Variants in RC3H1 observed in about 807,000 individuals in gnomAD.
RC3H1 encodes the protein ring finger and CCCH-type domains 1.
RC3H1 carries 50 observed loss-of-function variants against 138.2 expected under a neutral mutation model. The ratio of observed to expected loss-of-function variants is 0.36; its 90% CI spans 0.29 to 0.46. The LOEUF (loss-of-function observed/expected upper bound fraction) is 0.46. Among genes scored for constraint, RC3H1 ranks in the 20% least tolerant of loss-of-function variants. The probability of loss-of-function intolerance (pLI) is 1.00; values close to 1 mark genes in which losing one functional copy is unlikely to be tolerated. For missense variants in RC3H1, 1,031 were observed against 1,388.1 expected, an observed-to-expected ratio of 0.74 and a Z score of 4.09; for synonymous variants, 462 against 489.1, an observed-to-expected ratio of 0.94 and a Z score of 0.73.
At chr1:173,953,812 G>A (rs1420663964) in intron 13 of RC3H1, among the ~76,000 whole-genome samples, 1 of 152,022 alleles carries the variant, frequency 6.6e-6, no homozygotes, top group Non-Finnish European at 1.5e-5. Flanking sequence ...GTCGAGGCGG[G>A]CAGACCACCT....
At chr1:174,011,400 T>C (rs1174167825) in intron 1 of RC3H1, among the ~76,000 whole-genome samples, 3 of 151,952 alleles carry the variant, frequency 2.0e-5, no homozygotes, top group Non-Finnish European at 2.9e-5. Flanking sequence ...CTGCTATCAA[T>C]GGGGTAATTA....
intron 2 of RC3H1, among the ~76,000 whole-genome samples, chr1:173,986,487 C>G (rs1661037457): frequency 6.6e-6 from 1 of 152,122 alleles, no homozygotes; most frequent in African/African-American, 2.4e-5. Context: ...ACTACATTGC[C>G]CAGACTGGCC....
chr1:174,017,783 C>CCAAAAAAAAAAAAAAA (rs1165317766), intron 1 of RC3H1, among the ~76,000 whole-genome samples: 5 of 72,034 alleles, frequency 6.9e-5, no homozygotes, highest in African/African-American at 2.9e-4. Context: ...TTTTCTTGCT[C>CCAAAAAAAAAAAAAAA]AAAAAAAAAA....
At chr1:173,942,480 T>G (rs1658927827) in intron 18 of RC3H1, among the ~76,000 whole-genome samples, 1 of 145,768 alleles carries the variant, frequency 6.9e-6, no homozygotes, top group African/African-American at 2.7e-5. Flanking sequence ...AATAAATATC[T>G]TTAACATACT....
chr1:174,019,317 G>T (rs1395372199), intron 1 of RC3H1, among the ~76,000 whole-genome samples: 1 of 152,146 alleles, frequency 6.6e-6, no homozygotes, highest in Non-Finnish European at 1.5e-5. Context: ...GGCAAAAAAA[G>T]GAATCTGTCA....
At chr1:173,963,625 CT>C (rs1166654452) in intron 11 of RC3H1, among the ~76,000 whole-genome samples, 6 of 152,114 alleles carry the variant, frequency 3.9e-5, no homozygotes, top group African/African-American at 1.2e-4. Context: ...AATATTAATT[CT>C]TTTTTCATGC....
intron 1 of RC3H1, among the ~76,000 whole-genome samples, chr1:173,999,290 G>A (rs530852434): frequency 6.6e-6 from 1 of 151,060 alleles, no homozygotes; most frequent in South Asian, 2.1e-4. Flanking sequence ...CAAGGCAGGA[G>A]AATCACTTGA....
intron 2 of RC3H1, among the ~76,000 whole-genome samples, chr1:173,990,503 A>C (rs559658910): frequency 7.4e-6 from 1 of 135,668 alleles, no homozygotes; most frequent in Non-Finnish European, 1.5e-5. Flanking sequence ...TTACTTATTT[A>C]ACAGTCTTTA....
chr1:173,967,198 G>C (rs951962272), intron 9 of RC3H1, among the ~76,000 whole-genome samples: 1 of 152,164 alleles, frequency 6.6e-6, no homozygotes, highest in Non-Finnish European at 1.5e-5. Context: ...GCATGCACCT[G>C]TGGTCCCAGC....
chr1:173,964,120 G>C lies in RC3H1; in HGVS notation c.1684C>G (p.Pro562Ala). The C allele has an allele frequency of 1.2e-6, 2 of 1,614,068 alleles. No homozygotes were observed. Among genetic ancestry groups the C allele is most frequent in the Non-Finnish European group, 1.7e-6 (2 of 1,179,984 alleles). Residue 562 changes from proline (P) to alanine (A), a missense_variant, in exon 11 of 20, where the codon CCA becomes GCA. Physicochemically the swap from Pro to Ala is conservative, Grantham distance 27 (BLOSUM62 -1). Coordinates refer to ENST00000367696, the MANE Select transcript of RC3H1 (RefSeq NM_172071.4). ...VNPHSIPPRG[P>A]ADLPPMPVTK... ...ACAGGCATTGGAGGCAGATCTGCTG[G>C]CCCCCTTGGAGGTATAGAATGTGGA...
At chr1:173,960,761 A>C (rs12063296) in intron 13 of RC3H1, among the ~76,000 whole-genome samples, 2 of 152,164 alleles carry the variant, frequency 1.3e-5, no homozygotes, top group African/African-American at 4.8e-5. Context: ...ACTGACGGAA[A>C]AGAATAGGGT....
At chr1:173,971,124 G>A (rs1416252426) in intron 8 of RC3H1, among the ~76,000 whole-genome samples, 1 of 151,810 alleles carries the variant, frequency 6.6e-6, no homozygotes, top group Non-Finnish European at 1.5e-5. Context: ...ACCGCACCTG[G>A]CTAATTTTTG....
At chr1:173,955,418 C>T (rs1055771421) in intron 13 of RC3H1, among the ~76,000 whole-genome samples, 7 of 148,674 alleles carry the variant, frequency 4.7e-5, no homozygotes, top group African/African-American at 1.2e-4. Context: ...CCCAGGTTCA[C>T]GTCATTCTCT....
intron 1 of RC3H1, among the ~76,000 whole-genome samples, chr1:174,021,176 T>C (rs961693824): frequency 6.6e-6 from 1 of 152,200 alleles, no homozygotes; most frequent in African/African-American, 2.4e-5. Flanking sequence ...TTTATGCTAG[T>C]TAATGTTGCT....
intron 13 of RC3H1, 104 bp downstream of exon 13, chr1:173,960,973 A>C: frequency 1.7e-6 from 2 of 1,149,114 alleles, no homozygotes; most frequent in Non-Finnish European, 2.5e-6. Context: ...TTCAGAGGAA[A>C]ACAGGAAAAA....
At chr1:174,015,249 C>CTT (rs372400145) in intron 1 of RC3H1, among the ~76,000 whole-genome samples, 7,385 of 139,878 alleles carry the variant, frequency 0.053, 274 homozygotes, top group Non-Finnish European at 0.077. Flanking sequence ...AATTATAGGC[C>CTT]TTTTTTTTTT....
At chr1:173,967,608 T>C (rs1660177675) in intron 9 of RC3H1, among the ~76,000 whole-genome samples, 1 of 152,224 alleles carries the variant, frequency 6.6e-6, no homozygotes, top group Non-Finnish European at 1.5e-5. Flanking sequence ...CACAGGATAA[T>C]TGGCCATTAG....
chr1:174,014,327 T>C (rs1661820382), intron 1 of RC3H1, among the ~76,000 whole-genome samples: 2 of 152,112 alleles, frequency 1.3e-5, no homozygotes, highest in Non-Finnish European at 2.9e-5. Flanking sequence ...GAACTGTGTA[T>C]TTTTTTGAGC....
chr1:174,016,857 GA>G (rs1019902446), intron 1 of RC3H1, among the ~76,000 whole-genome samples: 28 of 141,748 alleles, frequency 2.0e-4, no homozygotes, highest in Non-Finnish European at 3.3e-4. Context: ...ATTCTAGAAA[GA>G]AAAAAAAAAA....
Sources: allele counts gnomAD v4.1 joint callset (sites outside exome capture counted in the v4.1 genomes callset), GRCh38; gene constraint gnomAD v4.1.1; transcripts MANE v1.5; gene names NCBI Gene and HGNC (gene_info 2026-07-23, HGNC 2026-07-21).